CTNNBIP1: variants seen among roughly 807,000 people sequenced by gnomAD.
The protein encoded by CTNNBIP1 is beta-catenin-interacting protein 1.
CTNNBIP1 carries 7 observed loss-of-function variants against 11.8 expected under a neutral mutation model. That is an observed-to-expected ratio of 0.60 (90% CI 0.34 to 1.12). The LOEUF (loss-of-function observed/expected upper bound fraction) is 1.12, where lower values mean the gene tolerates loss of function less well. CTNNBIP1 is among the 50% of genes most tolerant of loss of function. The probability of loss-of-function intolerance (pLI) is 0.03; values close to 1 mark genes in which losing one functional copy is unlikely to be tolerated. For synonymous variants in CTNNBIP1, 58 were observed against 43.9 expected (o/e 1.32, Z -1.26); for missense variants, 101 against 113.4 (o/e 0.89, Z 0.50).
chr1:9,897,248 A>T (rs1209089621), intron 1 of CTNNBIP1, among the ~76,000 whole-genome samples: 6 of 151,468 alleles, frequency 4.0e-5, no homozygotes, highest in Non-Finnish European at 8.9e-5. Flanking sequence ...AGGTCAGGAG[A>T]TCGAGACCAT....
intron 5 of CTNNBIP1, among the ~76,000 whole-genome samples, chr1:9,868,414 C>G (rs557185832): frequency 6.6e-6 from 1 of 152,340 alleles, no homozygotes; most frequent in East Asian, 1.9e-4. Flanking sequence ...AGGTCAACAG[C>G]TAAGTGGGGT....
intron 1 of CTNNBIP1, among the ~76,000 whole-genome samples, chr1:9,888,353 G>A (rs546471250): frequency 1.3e-5 from 2 of 152,024 alleles, no homozygotes; most frequent in East Asian, 3.9e-4. Flanking sequence ...AGGCTGAGGT[G>A]CGCGGATCAC....
At position 9,880,032 on chromosome 1, in the gene CTNNBIP1, G is replaced by A. The variant is rs147538051; in HGVS notation, c.-109-2043C>T. Among the ~76,000 whole-genome samples, 426 of 152,218 alleles carry A rather than the reference G, an allele frequency of 2.8e-3. 2 individuals carry two copies. The highest frequency in any genetic ancestry group is 0.01 in the Middle Eastern group (3 of 294). ...ACGTGCAGGTTACACAGGTATGTAC[G>A]CATGTGCCATGGCGGTTTGTGGCAC... On this transcript the variant is annotated intron_variant, in intron 2 of 5. Transcript: ENST00000377263.
At position 9,867,465 on chromosome 1, in the gene CTNNBIP1, C is replaced by A. The variant is rs1333609658; in HGVS notation, c.187+3722G>T. On this transcript the variant is annotated intron_variant, in intron 5 of 5. Coordinates refer to ENST00000377263, the MANE Select transcript of CTNNBIP1 (RefSeq NM_020248.3). This position sits in a 1 kb window ranked among gnomAD's most constrained non-coding sequence, Gnocchi z 4.6. ...GGGAGCAGTGCCCCAGGTACCAGAC[C>A]CATCCAGCCCTGGAGGGGAAGCATG... Among the ~76,000 whole-genome samples, 1 of 152,176 alleles carries A rather than the reference C, an allele frequency of 6.6e-6. No individual in the cohort carries two copies. The highest frequency in any genetic ancestry group is 1.5e-5 in the Non-Finnish European group (1 of 68,012).
At chr1:9,855,889 G>C (rs1376974638) in intron 5 of CTNNBIP1, among the ~76,000 whole-genome samples, 2 of 151,830 alleles carry the variant, frequency 1.3e-5, no homozygotes, top group South Asian at 4.2e-4. Context: ...TGCTACACTC[G>C]GCTAATTAAT....
In CTNNBIP1 at chr1:9,909,616, C is replaced by T. The variant is rs1244076013; in HGVS notation, c.-144+479G>A. ...CCCGCCATCCAGGTGAGATATGTGC[C>T]CCCACCAGGTACCTTCCAGGAAGGC... On this transcript the variant is annotated intron_variant, in intron 1 of 5. Coordinates refer to ENST00000377263, the MANE Select transcript of CTNNBIP1 (RefSeq NM_020248.3). 2.0e-5 allele frequency among the ~76,000 whole-genome samples: 3 copies of T among 152,148 alleles called. No individual in the cohort carries two copies. In the East Asian group the frequency reaches 5.8e-4, roughly 29 times the overall value.
chr1:9,901,635 C>T (rs985131094), intron 1 of CTNNBIP1, among the ~76,000 whole-genome samples: 5 of 152,182 alleles, frequency 3.3e-5, no homozygotes, highest in Non-Finnish European at 2.9e-5. Flanking sequence ...AAGCCTCCTC[C>T]CCAGCTCTCC....
At chr1:9,860,452 A>C (rs1468115957) in intron 5 of CTNNBIP1, among the ~76,000 whole-genome samples, 2 of 150,212 alleles carry the variant, frequency 1.3e-5, no homozygotes, top group East Asian at 2.0e-4. Context: ...AAAAAAAAAA[A>C]AACAAAACTT....
At position 9,871,908 on chromosome 1, in the gene CTNNBIP1, G is replaced by A; in HGVS notation, c.96+61C>T. On this transcript the variant is annotated intron_variant, in intron 4 of 5. Coordinates refer to ENST00000377263, the MANE Select transcript of CTNNBIP1 (RefSeq NM_020248.3). The surrounding 1 kb of genome is among the most constrained non-coding windows in gnomAD (Gnocchi z 5.2). ...GGCTCCACCCTCCAATAGCCCAGCAGGGCCCCTCCCTGGGAGACCCTCCCT... is the reference window on the plus strand; with the variant it reads ...GGCTCCACCCTCCAATAGCCCAGCAAGGCCCCTCCCTGGGAGACCCTCCCT... 6.9e-7 allele frequency: 1 copy of A among 1,449,222 alleles called. No homozygotes were observed. The allele number at this position is 1,449,222 out of a possible 1,614,324, so 89.8% of individuals were successfully genotyped here.
chr1:9,860,488 T>C (rs1263654731), intron 5 of CTNNBIP1, among the ~76,000 whole-genome samples: 1 of 146,094 alleles, frequency 6.8e-6, no homozygotes, highest in East Asian at 2.0e-4. Context: ...CATATGCCTG[T>C]AGTCCCAGCT....
At chr1:9,859,817 T>C (rs955319490) in intron 5 of CTNNBIP1, among the ~76,000 whole-genome samples, 1 of 152,148 alleles carries the variant, frequency 6.6e-6, no homozygotes, top group Admixed American at 6.5e-5. Context: ...GCTCCTAATT[T>C]GCAAACTTGG....
intron 1 of CTNNBIP1, among the ~76,000 whole-genome samples, chr1:9,899,153 G>A (rs945933915): frequency 5.9e-5 from 9 of 151,956 alleles, no homozygotes; most frequent in Admixed American, 1.3e-4. Context: ...GTTCATAAGC[G>A]GCCTTAAAAA....
At chr1:9,875,012 T>C (rs1638935728) in intron 3 of CTNNBIP1, among the ~76,000 whole-genome samples, 1 of 152,120 alleles carries the variant, frequency 6.6e-6, no homozygotes, top group South Asian at 2.1e-4. Flanking sequence ...TCTCTCCTGG[T>C]GAGAGACAGG....
At position 9,867,707 on chromosome 1, in the gene CTNNBIP1, TTTGGG is replaced by T. The variant is rs1227835480; in HGVS notation, c.187+3475_187+3479del. Among the ~76,000 whole-genome samples, 1 of 152,142 alleles carries T rather than the reference TTTGGG, an allele frequency of 6.6e-6. No individual in the cohort carries two copies. Among genetic ancestry groups the T allele is most frequent in the African/African-American group, 2.4e-5 (1 of 41,418 alleles). On this transcript the variant is annotated intron_variant, in intron 5 of 5. Transcript: ENST00000377263. The surrounding 1 kb of genome is among the most constrained non-coding windows in gnomAD (Gnocchi z 4.6). ...GGCCATTACCCACAGGCTCCAGGCCTTTGGGGTTCATTATGGCAGTCTCTGCACCC... is the reference window on the plus strand; with the variant it reads ...GGCCATTACCCACAGGCTCCAGGCCTGTTCATTATGGCAGTCTCTGCACCC...
chr1:9,901,596 A>G (rs1439799377), intron 1 of CTNNBIP1, among the ~76,000 whole-genome samples: 4 of 152,172 alleles, frequency 2.6e-5, no homozygotes, highest in African/African-American at 9.7e-5. Flanking sequence ...CGGGCCTGAA[A>G]AAAACACCTT....
chr1:9,890,657 T>C (rs1639281967), intron 1 of CTNNBIP1, among the ~76,000 whole-genome samples: 1 of 152,130 alleles, frequency 6.6e-6, no homozygotes, highest in Non-Finnish European at 1.5e-5. Context: ...GAATCCTAGC[T>C]CTTGCATGGG....
At chr1:9,895,221 GAC>G (rs377747189) in intron 1 of CTNNBIP1, among the ~76,000 whole-genome samples, 15 of 145,266 alleles carry the variant, frequency 1.0e-4, no homozygotes, top group African/African-American at 3.9e-4. Context: ...TTGTTTTTGA[GAC>G]AGTCTTACTC....
In CTNNBIP1 at chr1:9,886,814, G is replaced by A. The variant is rs561196696; in HGVS notation, c.-143-3076C>T. ...AAGGTAGCACCTCAGGTCCTCTAGC[G>A]ACATCAAAAAAGGGAGTGCCAGAGG... On this transcript the variant is annotated intron_variant, in intron 1 of 5. Transcript: ENST00000377263. 5.3e-5 allele frequency among the ~76,000 whole-genome samples: 8 copies of A among 152,112 alleles called. No individual in the cohort carries two copies. The South Asian group carries it at 8.3e-4, about 16-fold the overall frequency.
At chr1:9,879,304 C>T (rs1381394503) in intron 2 of CTNNBIP1, among the ~76,000 whole-genome samples, 2 of 152,132 alleles carry the variant, frequency 1.3e-5, no homozygotes, top group African/African-American at 4.8e-5. Context: ...CCAGACAACA[C>T]TTTGAGAAAC....
Sources: gnomAD v4.1 joint callset for allele counts (sites outside exome capture counted in the v4.1 genomes callset) on GRCh38, gnomAD v4.1.1 for gene constraint, Gnocchi (gnomAD v3.1) non-coding constraint, MANE v1.5 for transcripts, NCBI Gene and HGNC (gene_info 2026-07-23, HGNC 2026-07-21) for gene names.